SCN2A: variants seen among roughly 807,000 people sequenced by gnomAD.
SCN2A encodes sodium voltage-gated channel alpha subunit 2.
In SCN2A, 20 loss-of-function variants were observed where a neutral mutation model predicts 188.7. The ratio of observed to expected loss-of-function variants is 0.11; its 90% CI spans 0.07 to 0.15. The LOEUF is 0.15. Ranked by LOEUF, SCN2A falls within the 10% of genes least tolerant of loss-of-function variation. The pLI is 1.00. For missense variants in SCN2A, 1,278 were observed against 2,445.0 expected (o/e 0.52, Z 10.07); for synonymous variants, 804 against 833.1 (o/e 0.97, Z 0.60).
rs1350670026 is a variant in SCN2A, at chr2:165,354,284, G to A, written c.3012G>A (p.Gln1004=). ...TDDDNEMNNL[Q]IAVGRMQKGI... ...ATGATAACGAAATGAATAATCTCCA[G>A]ATTGCTGTGGGAAGGATGCAGAAAG... The change falls in exon 17 of 27, where the codon CAG becomes CAA. Residue 1004 remains glutamine (Q), a synonymous_variant. Transcript: ENST00000375437. The A allele has an allele frequency of 6.2e-7, 1 of 1,614,068 alleles. No homozygotes were observed. The highest frequency in any genetic ancestry group is 1.1e-5 in the South Asian group (1 of 91,076).
At chr2:165,315,862 C>G in intron 11 of SCN2A, 104 bp downstream of exon 11, 3 of 1,276,748 alleles carry the variant, frequency 2.3e-6, no homozygotes, top group Non-Finnish European at 3.3e-6. Flanking sequence ...TGGCACAATG[C>G]TTTCAGAGTA....
At chr2:165,293,465 C>G (rs550424738) in intron 1 of SCN2A, among the ~76,000 whole-genome samples, 187 of 152,216 alleles carry the variant, frequency 1.2e-3, no homozygotes, top group African/African-American at 4.3e-3. Context: ...AGGCTACAAA[C>G]CTATACTGGA....
chr2:165,342,218 G>A, intron 14 of SCN2A, 78 bp from the exon 15 acceptor site: 2 of 1,325,182 alleles, frequency 1.5e-6, no homozygotes, highest in Non-Finnish European at 2.2e-6. Flanking sequence ...ATATTTGTTG[G>A]GAGTAAATTA....
chr2:165,339,867 A>G (rs569332735), intron 14 of SCN2A, among the ~76,000 whole-genome samples: 1 of 152,326 alleles, frequency 6.6e-6, no homozygotes, highest in East Asian at 1.9e-4. Flanking sequence ...TAAAAGAATA[A>G]TGAAAACATT....
intron 1 of SCN2A, among the ~76,000 whole-genome samples, chr2:165,294,303 TC>T (rs1696383795): frequency 6.6e-6 from 1 of 151,904 alleles, no homozygotes. Context: ...GGCAGTTTCC[TC>T]CCCCAGTGTG....
intron 11 of SCN2A, among the ~76,000 whole-genome samples, chr2:165,319,417 T>G (rs1225726192): frequency 6.6e-6 from 1 of 152,222 alleles, no homozygotes; most frequent in Non-Finnish European, 1.5e-5. Context: ...GTTTAACATT[T>G]ACAGACATTT....
intron 1 of SCN2A, chr2:165,267,232 T>G (rs191536224): frequency 6.6e-6 from 1 of 152,072 alleles, no homozygotes; most frequent in African/African-American, 2.4e-5. Context: ...TGCATCACAC[T>G]GCCTGATCTC....
chr2:165,246,234 A>G (rs1693840539), intron 1 of SCN2A, among the ~76,000 whole-genome samples: 1 of 152,206 alleles, frequency 6.6e-6, no homozygotes, highest in Non-Finnish European at 1.5e-5. Flanking sequence ...ATTTAGCTCC[A>G]AGAACACTGG....
chr2:165,357,859 T>C (rs1469776946), intron 17 of SCN2A, among the ~76,000 whole-genome samples: 4 of 152,136 alleles, frequency 2.6e-5, no homozygotes, highest in African/African-American at 9.7e-5. Flanking sequence ...TTTACCCAGG[T>C]TACCCAAGCA....
At chr2:165,296,117 C>A in intron 2 of SCN2A, 27 bp downstream of exon 2, 1 of 1,605,662 alleles carries the variant, frequency 6.2e-7, no homozygotes, top group Non-Finnish European at 8.5e-7. Flanking sequence ...GTTGCCTTCA[C>A]TGCCTATTTA....
chr2:165,278,276 T>C (rs746257903), intron 1 of SCN2A, among the ~76,000 whole-genome samples: 5 of 152,186 alleles, frequency 3.3e-5, no homozygotes, highest in Non-Finnish European at 7.3e-5. Context: ...CATAAAGAAC[T>C]GCCTGAGACT....
chr2:165,281,207 C>A (rs891096412), intron 1 of SCN2A, among the ~76,000 whole-genome samples: 2 of 151,884 alleles, frequency 1.3e-5, no homozygotes, highest in African/African-American at 2.4e-5. Context: ...AGAGCAAGAC[C>A]CTATCTCTAA....
intron 1 of SCN2A, among the ~76,000 whole-genome samples, chr2:165,282,779 A>C (rs945921200): frequency 2.6e-5 from 4 of 152,184 alleles, no homozygotes; most frequent in Admixed American, 2.6e-4. Flanking sequence ...CAATTGCAGT[A>C]ATCTAAGTGA....
intron 11 of SCN2A, among the ~76,000 whole-genome samples, chr2:165,322,118 C>A (rs1449802823): frequency 2.0e-5 from 3 of 152,156 alleles, no homozygotes; most frequent in Non-Finnish European, 4.4e-5. Context: ...ATCTAGGTTC[C>A]TCCCACATGG....
Position 165,334,659 on chromosome 2 carries a change from A to T in SCN2A, c.2388+3091A>T, listed in dbSNP as rs182183689. On this transcript the variant is annotated intron_variant, in intron 14 of 26. Transcript: ENST00000375437. ...CATCTCAAAAGACCCCACACCTATCATCATTCTTAATAGTTACTTTAGATG... is the reference window on the plus strand; with the variant it reads ...CATCTCAAAAGACCCCACACCTATCTTCATTCTTAATAGTTACTTTAGATG... 1.5e-3 allele frequency among the ~76,000 whole-genome samples: 223 copies of T among 151,936 alleles called. 2 individuals are homozygous for T. The highest frequency in any genetic ancestry group is 5.2e-3 in the African/African-American group (215 of 41,530).
intron 4 of SCN2A, 64 bp from the exon 5 acceptor site, chr2:165,308,602 T>G: frequency 6.4e-7 from 1 of 1,570,046 alleles, no homozygotes; most frequent in Admixed American, 1.7e-5. Context: ...TATGTCATCT[T>G]TAAGATATGT....
At chr2:165,320,290 CT>C (rs1207604783) in intron 11 of SCN2A, 1 of 152,238 alleles carries the variant, frequency 6.6e-6, no homozygotes, top group African/African-American at 2.4e-5. Context: ...AGCTCCACCC[CT>C]GTCACTTTGC....
chr2:165,276,711 C>T (rs953335408), intron 1 of SCN2A, among the ~76,000 whole-genome samples: 1 of 152,106 alleles, frequency 6.6e-6, no homozygotes, highest in African/African-American at 2.4e-5. Context: ...TATGAAGACC[C>T]CACATGATGC....
intron 21 of SCN2A, among the ~76,000 whole-genome samples, chr2:165,374,028 A>G (rs1701184147): frequency 6.6e-6 from 1 of 152,134 alleles, no homozygotes. Flanking sequence ...TCTGCATGTT[A>G]TAGTGATACT....
Sources: allele counts gnomAD v4.1 joint callset (sites outside exome capture counted in the v4.1 genomes callset), GRCh38; gene constraint gnomAD v4.1.1; transcripts MANE v1.5; gene names NCBI Gene and HGNC (gene_info 2026-07-23, HGNC 2026-07-21).